EDIL3: variants seen among roughly 807,000 people sequenced by gnomAD.
EDIL3 encodes EGF like and discoidin domains 3, also known as EGF-like repeat and discoidin I-like domain-containing protein 3.
A neutral mutation model predicts 67.4 loss-of-function variants in EDIL3; 37 were observed. The ratio of observed to expected loss-of-function variants is 0.55; its 90% CI spans 0.42 to 0.72. EDIL3 has a LOEUF of 0.72. EDIL3 is among the 30% of genes least tolerant of loss of function. EDIL3 has a pLI of 0.00. For synonymous variants in EDIL3, 195 were observed against 196.3 expected (o/e 0.99, Z 0.05); for missense variants, 527 against 586.3 (o/e 0.90, Z 1.04).
chr5:84,100,649 C>T (rs1473724871), intron 6 of EDIL3, among the ~76,000 whole-genome samples: 1 of 152,028 alleles, frequency 6.6e-6, no homozygotes, highest in East Asian at 1.9e-4. Flanking sequence ...TGTAGCAAAC[C>T]ACCATGGCAT....
At chr5:84,124,194 T>G (rs1446193686) in intron 5 of EDIL3, among the ~76,000 whole-genome samples, 1 of 151,910 alleles carries the variant, frequency 6.6e-6, no homozygotes, top group East Asian at 1.9e-4. Flanking sequence ...AAACAATGTC[T>G]ATTTTACCGA....
intron 6 of EDIL3, among the ~76,000 whole-genome samples, chr5:84,105,020 T>C (rs1747433611): frequency 6.6e-6 from 1 of 152,094 alleles, no homozygotes; most frequent in Admixed American, 6.6e-5. Context: ...GAATTTTGGC[T>C]ATGAATATTA....
In EDIL3 at chr5:84,005,058, C is replaced by G. The variant is rs567508240; in HGVS notation, c.1138-41698G>C. Among the ~76,000 whole-genome samples the G allele has an allele frequency of 4.6e-5, 7 of 152,220 alleles. No homozygotes were observed. In the South Asian group the frequency reaches 1.5e-3, roughly 32 times the overall value. On this transcript the variant is annotated intron_variant, in intron 9 of 10. Coordinates refer to ENST00000296591, the MANE Select transcript of EDIL3 (RefSeq NM_005711.5). ...AAGAACCCTCATATACTATTATGAA[C>G]ACTTCTATACACACAAACTAGAAAA...
chr5:84,172,445 G>A (rs906629766), intron 4 of EDIL3, among the ~76,000 whole-genome samples: 8 of 151,878 alleles, frequency 5.3e-5, no homozygotes, highest in Non-Finnish European at 7.4e-5. Flanking sequence ...AGCTCAGCAT[G>A]GTGGCATGCC....
At chr5:84,077,851 CTCT>C (rs1470259234) in intron 6 of EDIL3, among the ~76,000 whole-genome samples, 4 of 140,730 alleles carry the variant, frequency 2.8e-5, no homozygotes, top group Non-Finnish European at 4.6e-5. Flanking sequence ...CTTTTTCTTC[CTCT>C]TTTTTTTTTG....
At chr5:84,200,510 T>C (rs1307888644) in intron 3 of EDIL3, among the ~76,000 whole-genome samples, 2 of 152,038 alleles carry the variant, frequency 1.3e-5, no homozygotes, top group Non-Finnish European at 2.9e-5. Context: ...AAATTTACCA[T>C]GTCTTCTTAA....
intron 5 of EDIL3, among the ~76,000 whole-genome samples, chr5:84,108,392 A>G (rs114695986): frequency 0.013 from 2,048 of 152,234 alleles, 51 homozygotes; most frequent in African/African-American, 0.047. Context: ...ACAAAAAATT[A>G]CTTGGTATGA....
intron 4 of EDIL3, among the ~76,000 whole-genome samples, chr5:84,158,369 T>C (rs1300337049): frequency 1.3e-5 from 2 of 152,048 alleles, no homozygotes; most frequent in African/African-American, 4.8e-5. Context: ...AAATAATTTA[T>C]CCAATTCCCA....
chr5:84,135,037 T>C (rs919513872), intron 5 of EDIL3, among the ~76,000 whole-genome samples: 2 of 152,194 alleles, frequency 1.3e-5, no homozygotes, highest in Non-Finnish European at 2.9e-5. Flanking sequence ...TCTCTCCCTC[T>C]TTCATAGCCT....
intron 9 of EDIL3, among the ~76,000 whole-genome samples, chr5:84,003,210 G>A (rs955877898): frequency 6.6e-6 from 1 of 152,206 alleles, no homozygotes; most frequent in East Asian, 1.9e-4. Context: ...GCTTAGGCCT[G>A]TAGTGTAGCC....
At chr5:84,370,149 C>G (rs1747814672) in intron 1 of EDIL3, among the ~76,000 whole-genome samples, 1 of 152,160 alleles carries the variant, frequency 6.6e-6, no homozygotes, top group Non-Finnish European at 1.5e-5. Flanking sequence ...GTGGAAATCA[C>G]ACAATTACCA....
intron 5 of EDIL3, among the ~76,000 whole-genome samples, chr5:84,130,634 T>G (rs1354446541): frequency 6.6e-6 from 1 of 152,114 alleles, no homozygotes; most frequent in Non-Finnish European, 1.5e-5. Context: ...AATTTAGTAT[T>G]ATATTATATA....
At chr5:84,267,189 C>A (rs1052217049) in intron 1 of EDIL3, among the ~76,000 whole-genome samples, 14 of 152,184 alleles carry the variant, frequency 9.2e-5, no homozygotes, top group African/African-American at 3.4e-4. Context: ...TCTTCACCTT[C>A]TTCAAGGTCT....
intron 1 of EDIL3, among the ~76,000 whole-genome samples, chr5:84,280,947 C>CAAAAAAAAAAAAAAAAAAAAAAAAA (rs11302104): frequency 1.4e-5 from 1 of 70,198 alleles, no homozygotes; most frequent in Non-Finnish European, 2.5e-5. Context: ...AAGACTCTGT[C>CAAAAAAAAAAAAAAAAAAAAAAAAA]AAAAAAAAAA....
intron 6 of EDIL3, among the ~76,000 whole-genome samples, chr5:84,080,901 A>G (rs1378582858): frequency 6.6e-6 from 1 of 152,248 alleles, no homozygotes; most frequent in Non-Finnish European, 1.5e-5. Flanking sequence ...TCCAGATAAA[A>G]GGACCTTTAA....
chr5:84,070,595 C>G (rs1746721315), intron 6 of EDIL3, among the ~76,000 whole-genome samples: 1 of 145,168 alleles, frequency 6.9e-6, no homozygotes, highest in Non-Finnish European at 1.5e-5. Flanking sequence ...TTTAGGGCTA[C>G]TATGGTTAAG....
intron 1 of EDIL3, among the ~76,000 whole-genome samples, chr5:84,277,669 C>G (rs569694955): frequency 6.6e-6 from 1 of 152,136 alleles, no homozygotes; most frequent in African/African-American, 2.4e-5. Context: ...AAGAACCTAC[C>G]TTTGCTTCAC....
chr5:84,031,419 C>T (rs1412078601), intron 9 of EDIL3, among the ~76,000 whole-genome samples: 5 of 152,150 alleles, frequency 3.3e-5, no homozygotes, highest in East Asian at 3.8e-4. Context: ...TATTTTCAGA[C>T]AAATTTTGGA....
At chr5:84,122,880 G>C (rs1170810578) in intron 5 of EDIL3, among the ~76,000 whole-genome samples, 1 of 151,930 alleles carries the variant, frequency 6.6e-6, no homozygotes, top group Non-Finnish European at 1.5e-5. Flanking sequence ...GTGCAAAGCA[G>C]AGGTATAACA....
Sources: gnomAD v4.1 joint callset for allele counts (sites outside exome capture counted in the v4.1 genomes callset) on GRCh38, gnomAD v4.1.1 for gene constraint, MANE v1.5 for transcripts, NCBI Gene and HGNC (gene_info 2026-07-23, HGNC 2026-07-21) for gene names.